The following GAB1 variants were observed in gnomAD, a reference collection of about 807,000 sequenced individuals.
GAB1 encodes GRB2-associated-binding protein 1.
A neutral mutation model predicts 66.5 loss-of-function variants in GAB1; 19 were observed. That is an observed-to-expected ratio of 0.29 (90% CI 0.20 to 0.42). The LOEUF (loss-of-function observed/expected upper bound fraction) is 0.42, where lower values mean the gene tolerates loss of function less well. Ranked by LOEUF, GAB1 falls within the 10% of genes least tolerant of loss-of-function variation. The pLI, the probability that GAB1 is intolerant of heterozygous loss-of-function variation, is 1.00. For missense variants in GAB1, 732 were observed against 858.5 expected (o/e 0.85, Z 1.84); for synonymous variants, 294 against 301.4 (o/e 0.98, Z 0.25).
At chr4:143,422,413 G>T (rs1285271095) in intron 2 of GAB1, among the ~76,000 whole-genome samples, 1 of 152,128 alleles carries the variant, frequency 6.6e-6, no homozygotes, top group Admixed American at 6.5e-5. Flanking sequence ...AGAACATGGG[G>T]ATCACCACAG....
Position 143,448,018 on chromosome 4 carries a change from A to C in GAB1, c.1585+7636A>C, listed in dbSNP as rs557969538. 6.2e-4 allele frequency among the ~76,000 whole-genome samples: 94 copies of C among 152,268 alleles called. No homozygotes were observed. In the East Asian group the frequency reaches 0.016, roughly 26 times the overall value. On this transcript the variant is annotated intron_variant, in intron 6 of 9. Coordinates refer to ENST00000262994, the MANE Select transcript of GAB1 (RefSeq NM_002039.4). ...ATGAAGCATTATTGAATTTTGTCAA[A>C]GGCCTTTTCTGCATCTATTGAGATA...
chr4:143,368,228 A>G (rs997195801), intron 1 of GAB1, among the ~76,000 whole-genome samples: 3 of 151,610 alleles, frequency 2.0e-5, no homozygotes, highest in East Asian at 1.9e-4. Context: ...AATTTCTTCT[A>G]TTCTAATGAT....
At chr4:143,414,991 C>G (rs533797845) in intron 1 of GAB1, among the ~76,000 whole-genome samples, 1 of 152,276 alleles carries the variant, frequency 6.6e-6, no homozygotes, top group African/African-American at 2.4e-5. Flanking sequence ...CCTCCCCCTC[C>G]GCAGGGCCTG....
intron 1 of GAB1, among the ~76,000 whole-genome samples, chr4:143,355,851 C>T (rs962931444): frequency 3.3e-5 from 5 of 152,068 alleles, no homozygotes; most frequent in South Asian, 4.1e-4. Flanking sequence ...TTTCTTCCAA[C>T]CCTCCTTTAA....
chr4:143,401,707 G>C (rs1426383672), intron 1 of GAB1, among the ~76,000 whole-genome samples: 1 of 152,108 alleles, frequency 6.6e-6, no homozygotes, highest in Non-Finnish European at 1.5e-5. Flanking sequence ...AAGGTTGTAT[G>C]GCTCCTGAAA....
At chr4:143,449,736 CTT>C (rs1231355934) in intron 6 of GAB1, among the ~76,000 whole-genome samples, 2 of 152,166 alleles carry the variant, frequency 1.3e-5, no homozygotes, top group African/African-American at 2.4e-5. Flanking sequence ...GGTCTTGACT[CTT>C]TATCCAATTT....
chr4:143,378,627 GTGTCTCTC>G (rs1193016434), intron 1 of GAB1, among the ~76,000 whole-genome samples: 1 of 116,222 alleles, frequency 8.6e-6, no homozygotes, highest in African/African-American at 3.7e-5. Context: ...AACTTCCAAA[GTGTCTCTC>G]TCTCTCTCTC....
chr4:143,424,251 T>C (rs1733206207), intron 2 of GAB1, among the ~76,000 whole-genome samples: 1 of 152,180 alleles, frequency 6.6e-6, no homozygotes, highest in African/African-American at 2.4e-5. Flanking sequence ...AGCTGGTTTA[T>C]TCCATTTTAC....
chr4:143,450,113 G>A (rs990874351), intron 6 of GAB1, among the ~76,000 whole-genome samples: 2 of 152,092 alleles, frequency 1.3e-5, no homozygotes, highest in Non-Finnish European at 2.9e-5. Flanking sequence ...TAAGTATGGA[G>A]TGCATTTTTA....
At chr4:143,459,851 AATTTTTAAG>A (rs1393263889) in intron 7 of GAB1, among the ~76,000 whole-genome samples, 1 of 152,222 alleles carries the variant, frequency 6.6e-6, no homozygotes, top group African/African-American at 2.4e-5. Context: ...GATTCTCAAT[AATTTTTAAG>A]AGTGTAAAAG....
intron 1 of GAB1, chr4:143,395,776 C>T: frequency 7.4e-6 from 3 of 402,746 alleles, no homozygotes; most frequent in South Asian, 5.5e-5. Flanking sequence ...TATGCTGTGC[C>T]CCTTCTTTTA....
chr4:143,388,083 C>T (rs571376720), intron 1 of GAB1, among the ~76,000 whole-genome samples: 1 of 152,288 alleles, frequency 6.6e-6, no homozygotes, highest in South Asian at 2.1e-4. Context: ...CCAGCCCCTA[C>T]CCCCTTCCCT....
intron 1 of GAB1, among the ~76,000 whole-genome samples, chr4:143,358,060 C>T (rs1011862850): frequency 5.9e-5 from 9 of 151,982 alleles, no homozygotes; most frequent in Non-Finnish European, 8.8e-5. Context: ...GAAAGAACTC[C>T]GGTACGTTAA....
At chr4:143,417,810 T>C (rs187418664) in intron 2 of GAB1, among the ~76,000 whole-genome samples, 49 of 152,342 alleles carry the variant, frequency 3.2e-4, no homozygotes, top group African/African-American at 1.2e-3. Flanking sequence ...AAAGTAGTTT[T>C]GTAGAGCCAA....
intron 3 of GAB1, among the ~76,000 whole-genome samples, chr4:143,436,943 A>G (rs1354312641): frequency 6.6e-6 from 1 of 152,204 alleles, no homozygotes; most frequent in Non-Finnish European, 1.5e-5. Context: ...TCTGTTGGCC[A>G]TTCCCAGGGA....
intron 2 of GAB1, among the ~76,000 whole-genome samples, chr4:143,430,853 T>C (rs1259209629): frequency 6.6e-6 from 1 of 152,220 alleles, no homozygotes; most frequent in Admixed American, 6.5e-5. Context: ...TTACAATCCT[T>C]TCACAACTTG....
Position 143,451,735 on chromosome 4 carries a change from G to A in GAB1, c.1586-7650G>A, listed in dbSNP as rs184871007. On this transcript the variant is annotated intron_variant, in intron 6 of 9. Coordinates refer to ENST00000262994, the MANE Select transcript of GAB1 (RefSeq NM_002039.4). The stretch of plus-strand genomic sequence containing the variant: ...CTTTGTTGAGACAGGATCAAACAGG[G>A]AAGGCATAGCAAAAGTCCCCCTGTC... Among the ~76,000 whole-genome samples the A allele has an allele frequency of 5.5e-3, 837 of 152,136 alleles. 3 individuals carry two copies. The highest frequency in any genetic ancestry group is 8.1e-3 in the Non-Finnish European group (548 of 67,986).
At chr4:143,429,693 TTGACTCCTTAAAGGGAAGCATACC>T (rs1733549659) in intron 2 of GAB1, among the ~76,000 whole-genome samples, 2 of 152,196 alleles carry the variant, frequency 1.3e-5, no homozygotes, top group South Asian at 4.1e-4. Flanking sequence ...CAAGTAGAGC[TTGACTCCTTAAAGGGAAGCATACC>T]TTTCTAGTCA....
intron 1 of GAB1, among the ~76,000 whole-genome samples, chr4:143,398,018 C>T (rs1731542263): frequency 6.6e-6 from 1 of 152,222 alleles, no homozygotes; most frequent in Non-Finnish European, 1.5e-5. Context: ...GCATTCACAG[C>T]AGTCTGAGAA....
Sources: allele counts gnomAD v4.1 joint callset (sites outside exome capture counted in the v4.1 genomes callset), GRCh38; gene constraint gnomAD v4.1.1; transcripts MANE v1.5; gene names NCBI Gene and HGNC (gene_info 2026-07-23, HGNC 2026-07-21).